Variants in CNTN3 observed in about 807,000 individuals in gnomAD.
CNTN3 encodes contactin 3, also known as contactin-3.
In CNTN3, 60 loss-of-function variants were observed where a neutral mutation model predicts 119.1. That is an observed-to-expected ratio of 0.50 (90% CI 0.41 to 0.62). CNTN3 has a LOEUF of 0.62. Among genes scored for constraint, CNTN3 ranks in the 20% least tolerant of loss-of-function variants. The pLI is 0.00. For synonymous variants in CNTN3, 450 were observed against 438.7 expected (o/e 1.03, Z -0.32); for missense variants, 1,101 against 1,242.4 (o/e 0.89, Z 1.71).
rs181689294 is a variant in CNTN3, at chr3:74,597,451, G to A, written c.-81+16940C>T. Among the ~76,000 whole-genome samples, 67 of 151,876 alleles carry A rather than the reference G, an allele frequency of 4.4e-4. No individual in the cohort carries two copies. In the East Asian group the frequency reaches 1.0e-2, roughly 23 times the overall value. The stretch of plus-strand genomic sequence containing the variant: ...CTACTGAGCTGTGGCTTTGTGAAAT[G>A]GAATTTACAATTACTAAAAAGAAAA... On this transcript the variant is annotated intron_variant, in intron 1 of 22. Transcript: ENST00000263665.
chr3:74,482,205 G>A (rs145342763), intron 4 of CNTN3, among the ~76,000 whole-genome samples: 2,045 of 151,934 alleles, frequency 0.013, 22 homozygotes, highest in Non-Finnish European at 0.022. Flanking sequence ...AGGATAAATA[G>A]GCAAAAGTAC....
rs986466206 is a variant in CNTN3, at chr3:74,293,714, A to G, written c.2517+1407T>C. ...AGTCGTGAAATCCTGGGCTCAAGCAATCCTCCTGCATTTGCCTCCCAAAGT... is the reference window on the plus strand; with the variant it reads ...AGTCGTGAAATCCTGGGCTCAAGCAGTCCTCCTGCATTTGCCTCCCAAAGT... On this transcript the variant is annotated intron_variant, in intron 19 of 22. Transcript: ENST00000263665. Among the ~76,000 whole-genome samples, 5 of 152,140 alleles carry G rather than the reference A, an allele frequency of 3.3e-5. No individual in the cohort carries two copies. The East Asian group carries it at 9.7e-4, about 29-fold the overall frequency.
chr3:74,414,055 G>A (rs1701480864), intron 5 of CNTN3, among the ~76,000 whole-genome samples: 1 of 152,194 alleles, frequency 6.6e-6, no homozygotes, highest in Non-Finnish European at 1.5e-5. Context: ...CTCAATCTCT[G>A]TGAGCATCAG....
intron 2 of CNTN3, among the ~76,000 whole-genome samples, chr3:74,501,829 G>A (rs999834646): frequency 6.7e-6 from 1 of 150,362 alleles, no homozygotes; most frequent in Non-Finnish European, 1.5e-5. Flanking sequence ...TTAGGAAAGA[G>A]CAACTTCCAG....
chr3:74,419,643 G>C (rs1400478463), intron 5 of CNTN3, among the ~76,000 whole-genome samples: 2 of 152,190 alleles, frequency 1.3e-5, no homozygotes, highest in African/African-American at 4.8e-5. Flanking sequence ...GCATAGCAGA[G>C]ATATGGAAAG....
At position 74,473,277 on chromosome 3, in the gene CNTN3, C is replaced by T. The variant is rs183338654; in HGVS notation, c.358+13179G>A. 1.2e-3 allele frequency among the ~76,000 whole-genome samples: 175 copies of T among 151,682 alleles called. 1 individual carries two copies. Among genetic ancestry groups the T allele is most frequent in the Admixed American group, 5.3e-4 (8 of 15,220 alleles). ...ATCTGGTTATGTGAGGGGGTAGACT[C>T]CTTCGTAATCTAATAAAATCCTTTT... On this transcript the variant is annotated intron_variant, in intron 4 of 22. Coordinates refer to ENST00000263665, the MANE Select transcript of CNTN3 (RefSeq NM_020872.3).
chr3:74,509,010 C>T (rs1703315828), intron 2 of CNTN3, among the ~76,000 whole-genome samples: 1 of 152,206 alleles, frequency 6.6e-6, no homozygotes, highest in Admixed American at 6.5e-5. Flanking sequence ...TACTGAACTG[C>T]TACCTCTGTA....
rs542270048 is a variant in CNTN3, at chr3:74,352,716, G to T, written c.1364+9174C>A. 6.6e-5 allele frequency among the ~76,000 whole-genome samples: 10 copies of T among 152,244 alleles called. 1 individual carries two copies. In the South Asian group the frequency reaches 2.1e-3, roughly 32 times the overall value. ...GTACCTTCCTTCTAGGCAGAAGGCAGGGACATCAATCAATCTGGTTTTTAA... is the reference window on the plus strand; with the variant it reads ...GTACCTTCCTTCTAGGCAGAAGGCATGGACATCAATCAATCTGGTTTTTAA... On this transcript the variant is annotated intron_variant, in intron 11 of 22. Transcript: ENST00000263665.
intron 1 of CNTN3, among the ~76,000 whole-genome samples, chr3:74,535,362 C>T (rs991829926): frequency 1.3e-5 from 2 of 152,084 alleles, no homozygotes; most frequent in African/African-American, 4.8e-5. Context: ...ACAGTATCAA[C>T]TTCAGCTGAG....
chr3:74,501,648 C>T (rs147563631), intron 2 of CNTN3, among the ~76,000 whole-genome samples: 1,952 of 152,160 alleles, frequency 0.013, 51 homozygotes, highest in African/African-American at 0.044. Context: ...TCAGCTGACT[C>T]GGGGCAACTT....
chr3:74,579,946 T>C (rs75655470), intron 1 of CNTN3, among the ~76,000 whole-genome samples: 2,594 of 152,224 alleles, frequency 0.017, 45 homozygotes, highest in Admixed American at 0.052. Context: ...AAAATACTGT[T>C]TCTTTGAATA....
rs1288345503 is a variant in CNTN3 at position 74,493,863 on chromosome 3, G to GT, written c.182+5795dup. 5.3e-5 allele frequency among the ~76,000 whole-genome samples: 8 copies of GT among 152,022 alleles called. No individual in the cohort carries two copies. The South Asian group carries it at 1.7e-3, about 31-fold the overall frequency. On this transcript the variant is annotated intron_variant, in intron 3 of 22. Coordinates refer to ENST00000263665, the MANE Select transcript of CNTN3 (RefSeq NM_020872.3). ...CTAAATGAGTTAAAGTTGCCATGCT[G>GT]TTTTTTTAAAAAATTGAATGTTTAA...
chr3:74,314,118 C>T (rs1251478832), intron 13 of CNTN3, among the ~76,000 whole-genome samples: 1 of 152,076 alleles, frequency 6.6e-6, no homozygotes, highest in Non-Finnish European at 1.5e-5. Context: ...GTTAGGATTT[C>T]AACATGCAAA....
intron 1 of CNTN3, among the ~76,000 whole-genome samples, chr3:74,568,933 G>A (rs1241592806): frequency 6.6e-6 from 1 of 152,134 alleles, no homozygotes; most frequent in Non-Finnish European, 1.5e-5. Context: ...ACGACCTGTG[G>A]CTTTGGGTCT....
At chr3:74,382,472 A>AC (rs1704645062) in intron 5 of CNTN3, among the ~76,000 whole-genome samples, 2 of 152,064 alleles carry the variant, frequency 1.3e-5, no homozygotes, top group Admixed American at 6.6e-5. Flanking sequence ...CTCCTATCTA[A>AC]CCGAAATTTT....
intron 13 of CNTN3, among the ~76,000 whole-genome samples, chr3:74,309,451 G>C (rs184313880): frequency 3.2e-4 from 49 of 152,212 alleles, no homozygotes; most frequent in African/African-American, 1.1e-3. Flanking sequence ...GCTACCTGTT[G>C]AGTACAGAGT....
intron 19 of CNTN3, among the ~76,000 whole-genome samples, chr3:74,294,789 G>A (rs1702302177): frequency 6.6e-6 from 1 of 152,120 alleles, no homozygotes; most frequent in Admixed American, 6.5e-5. Context: ...GGAGGACAGT[G>A]ACTTCCTGTT....
chr3:74,580,182 C>T (rs906156744), intron 1 of CNTN3, among the ~76,000 whole-genome samples: 2 of 152,132 alleles, frequency 1.3e-5, no homozygotes, highest in Non-Finnish European at 2.9e-5. Flanking sequence ...ACACAATTAT[C>T]ACAGTTGATG....
intron 8 of CNTN3, among the ~76,000 whole-genome samples, chr3:74,366,137 A>G (rs1704179529): frequency 6.6e-6 from 1 of 152,110 alleles, no homozygotes. Flanking sequence ...AAAAATTAAC[A>G]TCCATAGGAG....
Sources: allele counts gnomAD v4.1 joint callset (sites outside exome capture counted in the v4.1 genomes callset), GRCh38; gene constraint gnomAD v4.1.1; transcripts MANE v1.5; gene names NCBI Gene and HGNC (gene_info 2026-07-23, HGNC 2026-07-21).